ARNT: variants seen among roughly 807,000 people sequenced by gnomAD.
ARNT encodes class E basic helix-loop-helix protein 2.
Under a neutral mutation model 105.0 loss-of-function variants are expected in ARNT, and 30 were observed. The observed-to-expected ratio is 0.29, with a 90% CI of 0.21 to 0.39. The LOEUF is 0.39. Ranked by LOEUF, ARNT falls within the 10% of genes least tolerant of loss-of-function variation. The pLI, the probability that ARNT is intolerant of heterozygous loss-of-function variation, is 1.00. For missense variants in ARNT, 748 were observed against 978.7 expected, an observed-to-expected ratio of 0.76 and a Z score of 3.15; for synonymous variants, 304 against 344.0, an observed-to-expected ratio of 0.88 and a Z score of 1.29.
intron 18 of ARNT, 148 bp downstream of exon 18, chr1:150,816,640 A>G: frequency 1.0e-6 from 1 of 1,000,944 alleles, no homozygotes; most frequent in Non-Finnish European, 1.4e-6. Context: ...TAGGAGGAAG[A>G]AAAGCAGCTT....
intron 15 of ARNT, 135 bp downstream of exon 15, chr1:150,817,785 C>T (rs1479618378): frequency 3.3e-5 from 23 of 703,742 alleles, no homozygotes; most frequent in Non-Finnish European, 4.9e-5. Context: ...TTCCATCCAG[C>T]CTGAGCAATG....
intron 1 of ARNT, among the ~76,000 whole-genome samples, chr1:150,865,210 A>G (rs1666357981): frequency 6.6e-6 from 1 of 152,182 alleles, no homozygotes; most frequent in African/African-American, 2.4e-5. Flanking sequence ...AATTAAATGT[A>G]TCTATCTATT....
chr1:150,826,472 A>T, intron 13 of ARNT, 71 bp downstream of exon 13: 1 of 1,242,860 alleles, frequency 8.0e-7, no homozygotes, highest in Non-Finnish European at 1.2e-6. Context: ...GTGTTCAGTT[A>T]ATCAGTAGTC....
chr1:150,853,620 T>C (rs973046352), intron 2 of ARNT, among the ~76,000 whole-genome samples: 2 of 152,178 alleles, frequency 1.3e-5, no homozygotes, highest in African/African-American at 4.8e-5. Flanking sequence ...ATATACTTCA[T>C]TCAAGACACT....
intron 2 of ARNT, among the ~76,000 whole-genome samples, chr1:150,854,749 C>T (rs377417202): frequency 2.1e-4 from 32 of 148,962 alleles, no homozygotes; most frequent in Admixed American, 1.2e-3. Flanking sequence ...CCCAGCTACT[C>T]GGGAGGCTGA....
chr1:150,848,920 T>C (rs587600384), intron 3 of ARNT, among the ~76,000 whole-genome samples: 1 of 152,162 alleles, frequency 6.6e-6, no homozygotes, highest in African/African-American at 2.4e-5. Context: ...GAAAAAGAAA[T>C]GGGCCGGGTG....
chr1:150,854,988 G>C (rs1664330754), intron 2 of ARNT, among the ~76,000 whole-genome samples: 1 of 151,616 alleles, frequency 6.6e-6, no homozygotes, highest in African/African-American at 2.4e-5. Flanking sequence ...AGAAAAAAAA[G>C]TCTCGCCATT....
At chr1:150,859,918 G>T (rs1665301182) in intron 1 of ARNT, among the ~76,000 whole-genome samples, 1 of 151,774 alleles carries the variant, frequency 6.6e-6, no homozygotes, top group East Asian at 1.9e-4. Flanking sequence ...GATGTGGGAG[G>T]ATCACTTGAG....
intron 3 of ARNT, among the ~76,000 whole-genome samples, chr1:150,851,233 G>A (rs1291318838): frequency 2.1e-5 from 3 of 144,554 alleles, no homozygotes; most frequent in Non-Finnish European, 1.5e-5. Flanking sequence ...CCCCATCCGG[G>A]AGGGTGGTGG....
At chr1:150,813,905 C>T (rs1217604184) in intron 20 of ARNT, among the ~76,000 whole-genome samples, 172 bp downstream of exon 20, 2 of 152,162 alleles carry the variant, frequency 1.3e-5, no homozygotes, top group Non-Finnish European at 2.9e-5. Context: ...GTATTACAGG[C>T]GTGAGCCACC....
chr1:150,832,692 CTG>C (rs1364392404), intron 8 of ARNT, among the ~76,000 whole-genome samples: 2 of 152,194 alleles, frequency 1.3e-5, no homozygotes, highest in African/African-American at 2.4e-5. Context: ...GCCAGAAAGT[CTG>C]TTGCAACTAG....
chr1:150,852,956 T>A, intron 2 of ARNT, 150 bp from the exon 3 acceptor site: 1 of 988,258 alleles, frequency 1.0e-6, no homozygotes, highest in Non-Finnish European at 1.5e-6. Flanking sequence ...CTACATTTCC[T>A]CTTGTTCATA....
At chr1:150,815,417 G>A (rs934052940) in intron 19 of ARNT, among the ~76,000 whole-genome samples, 4 of 151,342 alleles carry the variant, frequency 2.6e-5, no homozygotes, top group East Asian at 1.9e-4. Flanking sequence ...GCGTGGTGGC[G>A]AGCACCCTGT....
intron 1 of ARNT, among the ~76,000 whole-genome samples, 156 bp from the exon 2 acceptor site, chr1:150,858,616 A>ATTTT (rs113986128): frequency 1.4e-5 from 2 of 137,948 alleles, no homozygotes; most frequent in South Asian, 2.3e-4. Context: ...GCTCTTCTTG[A>ATTTT]TTTTTTTTTT....
intron 6 of ARNT, among the ~76,000 whole-genome samples, chr1:150,838,796 T>A (rs184110696): frequency 6.6e-6 from 1 of 152,242 alleles, no homozygotes; most frequent in Non-Finnish European, 1.5e-5. Context: ...CTAGCCATTC[T>A]ATTCACTTTA....
chr1:150,816,705 G>A (rs923488467), intron 18 of ARNT, 83 bp downstream of exon 18: 2 of 1,422,776 alleles, frequency 1.4e-6, no homozygotes, highest in Non-Finnish European at 1.9e-6. Flanking sequence ...AGTAACCAGA[G>A]AAAGCAAGGG....
Position 150,816,247 on chromosome 1 carries a change from G to T in ARNT, c.1950+12C>A. Reference sequence around the variant, plus strand: ...AATAATACACAGGGAACACACAGATGATAAGTTTTACCTGGGCAGAAAAGC... The same window carrying T: ...AATAATACACAGGGAACACACAGATTATAAGTTTTACCTGGGCAGAAAAGC... On this transcript the variant is annotated intron_variant, in intron 19 of 21. Coordinates refer to ENST00000358595, the MANE Select transcript of ARNT (RefSeq NM_001668.4). 2 of 1,595,174 alleles carry T rather than the reference G, an allele frequency of 1.3e-6. No homozygotes were observed. The highest frequency in any genetic ancestry group is 1.8e-5 in the Admixed American group (1 of 54,158).
chr1:150,869,371 C>T (rs1025252614), intron 1 of ARNT, among the ~76,000 whole-genome samples: 3 of 151,066 alleles, frequency 2.0e-5, no homozygotes, highest in African/African-American at 4.9e-5. Flanking sequence ...CAGCTACTCG[C>T]GAGGATGAGG....
At chr1:150,821,724 C>T (rs1207214876) in intron 14 of ARNT, among the ~76,000 whole-genome samples, 1 of 152,072 alleles carries the variant, frequency 6.6e-6, no homozygotes, top group African/African-American at 2.4e-5. Context: ...TCTCAGCTCA[C>T]TGCAACCTCC....
Sources: allele counts gnomAD v4.1 joint callset (sites outside exome capture counted in the v4.1 genomes callset), GRCh38; gene constraint gnomAD v4.1.1; transcripts MANE v1.5; gene names NCBI Gene and HGNC (gene_info 2026-07-23, HGNC 2026-07-21).